PLEKHF2: variants seen among roughly 807,000 people sequenced by gnomAD.
PLEKHF2 encodes the protein pleckstrin homology domain-containing family F member 2.
In PLEKHF2, 4 loss-of-function variants were observed where a neutral mutation model predicts 14.7. That is an observed-to-expected ratio of 0.27 (90% CI 0.13 to 0.62). The LOEUF (loss-of-function observed/expected upper bound fraction) is 0.62, where lower values mean the gene tolerates loss of function less well. Ranked by LOEUF, PLEKHF2 falls within the 20% of genes least tolerant of loss-of-function variation. The pLI is 0.85. For synonymous variants in PLEKHF2, 90 were observed against 103.5 expected (o/e 0.87, Z 0.79); for missense variants, 201 against 307.7 (o/e 0.65, Z 2.60).
intron 1 of PLEKHF2, among the ~76,000 whole-genome samples, chr8:95,136,368 ACACAC>A (rs1205254075): frequency 6.6e-6 from 1 of 150,574 alleles, no homozygotes; most frequent in African/African-American, 2.5e-5. Flanking sequence ...ACACACACAC[ACACAC>A]ATGTTTTGTT....
intron 1 of PLEKHF2, among the ~76,000 whole-genome samples, chr8:95,152,962 G>A (rs1810578285): frequency 6.6e-6 from 1 of 152,106 alleles, no homozygotes; most frequent in South Asian, 2.1e-4. Flanking sequence ...ACAACTCTGG[G>A]ACTTGAGTGA....
chr8:95,135,166 G>A (rs2132102949), intron 1 of PLEKHF2, among the ~76,000 whole-genome samples: 1 of 152,252 alleles, frequency 6.6e-6, no homozygotes, highest in Admixed American at 6.5e-5. Flanking sequence ...AATAAAACTA[G>A]TATAGTGACT....
At position 95,155,594 on chromosome 8, in the gene PLEKHF2, A is replaced by G. The variant is rs936281431; in HGVS notation, c.*800A>G. 1.2e-5 allele frequency: 2 copies of G among 167,086 alleles called. No homozygotes were observed. Among genetic ancestry groups the G allele is most frequent in the African/African-American group, 4.8e-5 (2 of 41,480 alleles). The allele number at this position is 167,086 out of a possible 1,614,324, so 10.4% of individuals were successfully genotyped here. A position where few individuals can be genotyped will look rare whatever the true frequency, so the allele number is the denominator to read the frequency against. ...TTCTTAGGAATTTGGTTTGAAATTT[A>G]TCAGTTATACAGAATTGTCATACTG... is the stretch of plus-strand genomic sequence containing the variant. On this transcript the variant is annotated 3_prime_UTR_variant, in exon 2 of 2. Coordinates refer to ENST00000315367, the MANE Select transcript of PLEKHF2 (RefSeq NM_024613.4).
chr8:95,143,108 T>TC (rs1810455732), intron 1 of PLEKHF2, among the ~76,000 whole-genome samples: 1 of 151,106 alleles, frequency 6.6e-6, no homozygotes, highest in African/African-American at 2.4e-5. Flanking sequence ...TTTTTTTTTT[T>TC]CTTTTTTTTG....
intron 1 of PLEKHF2, among the ~76,000 whole-genome samples, chr8:95,149,246 T>A (rs542593568): frequency 2.0e-5 from 3 of 152,296 alleles, no homozygotes; most frequent in African/African-American, 7.2e-5. Context: ...TCCTCATCCC[T>A]TAAGACTCAG....
intron 1 of PLEKHF2, among the ~76,000 whole-genome samples, chr8:95,144,115 A>T (rs560938912): frequency 6.6e-6 from 1 of 152,096 alleles, no homozygotes; most frequent in Non-Finnish European, 1.5e-5. Context: ...AGTTCTTCCA[A>T]TGTGACCCAG....
intron 1 of PLEKHF2, among the ~76,000 whole-genome samples, chr8:95,135,344 A>G (rs1447565330): frequency 6.6e-6 from 1 of 152,202 alleles, no homozygotes; most frequent in Admixed American, 6.5e-5. Context: ...TAGATCTAAA[A>G]ATACAGCTTC....
At chr8:95,140,039 G>C (rs1018360777) in intron 1 of PLEKHF2, among the ~76,000 whole-genome samples, 1 of 152,092 alleles carries the variant, frequency 6.6e-6, no homozygotes, top group Non-Finnish European at 1.5e-5. Flanking sequence ...GCATCTCTAG[G>C]TGGGTGACTA....
intron 1 of PLEKHF2, among the ~76,000 whole-genome samples, chr8:95,151,538 G>T: frequency 6.7e-6 from 1 of 150,306 alleles, no homozygotes; most frequent in Admixed American, 6.6e-5. Flanking sequence ...ATAGCTCTCA[G>T]TTTCTTTTAA....
intron 1 of PLEKHF2, among the ~76,000 whole-genome samples, chr8:95,151,721 C>A (rs11994118): frequency 0.077 from 11,702 of 151,748 alleles, 594 homozygotes; most frequent in African/African-American, 0.13. Flanking sequence ...CAAGTATGAT[C>A]GCCTGTGGTG....
intron 1 of PLEKHF2, among the ~76,000 whole-genome samples, chr8:95,141,071 A>G (rs1448539891): frequency 6.6e-6 from 1 of 152,162 alleles, no homozygotes; most frequent in Non-Finnish European, 1.5e-5. Context: ...AGTTTTGAGT[A>G]TCTTCTGTCC....
intron 1 of PLEKHF2, among the ~76,000 whole-genome samples, chr8:95,143,093 CT>C (rs35086823): frequency 1.7e-3 from 236 of 141,018 alleles, no homozygotes; most frequent in Admixed American, 3.2e-3. Flanking sequence ...AGGAAATAAT[CT>C]TTTTTTTTTT....
rs1435379250 is a variant in PLEKHF2 at position 95,156,684 on chromosome 8, T to G, written c.*1890T>G. 4.5e-4 allele frequency: 75 copies of G among 166,540 alleles called. No individual in the cohort carries two copies. Among genetic ancestry groups the G allele is most frequent in the Non-Finnish European group, 2.9e-5 (2 of 68,108 alleles). The allele number at this position is 166,540 out of a possible 1,614,324, so 10.3% of individuals were successfully genotyped here. A position where few individuals can be genotyped will look rare whatever the true frequency, so the allele number is the denominator to read the frequency against. On this transcript the variant is annotated 3_prime_UTR_variant, in exon 2 of 2. Transcript: ENST00000315367. ...TTACAATAAAAAATATTTTACAACTTACTTTCTGTTCTCTGTATATTGTGA... is the reference window on the plus strand; with the variant it reads ...TTACAATAAAAAATATTTTACAACTGACTTTCTGTTCTCTGTATATTGTGA...
Position 95,140,568 on chromosome 8 carries a change from C to T in PLEKHF2, c.-15+6538C>T, listed in dbSNP as rs534412141. 2.0e-5 allele frequency among the ~76,000 whole-genome samples: 3 copies of T among 152,312 alleles called. No homozygotes were observed. In the East Asian group the frequency reaches 5.8e-4, roughly 29 times the overall value. Reference sequence around the variant, plus strand: ...ACCAGACTTCTTATCACTATGCCTTCTCCTGACCTTGCCTCCTCTGGCCTA... The same window carrying T: ...ACCAGACTTCTTATCACTATGCCTTTTCCTGACCTTGCCTCCTCTGGCCTA... On this transcript the variant is annotated intron_variant, in intron 1 of 1. Coordinates refer to ENST00000315367, the MANE Select transcript of PLEKHF2 (RefSeq NM_024613.4).
chr8:95,146,626 G>A (rs564801575), intron 1 of PLEKHF2, among the ~76,000 whole-genome samples: 2 of 152,036 alleles, frequency 1.3e-5, no homozygotes, highest in East Asian at 1.9e-4. Context: ...TAAAGACTAG[G>A]ATGGAGCTTA....
intron 1 of PLEKHF2, among the ~76,000 whole-genome samples, chr8:95,141,496 C>T (rs1017757178): frequency 2.6e-5 from 4 of 151,978 alleles, no homozygotes; most frequent in African/African-American, 9.7e-5. Flanking sequence ...AAATAACTCC[C>T]CTACAGCCTC....
Position 95,154,776 on chromosome 8 carries a change from T to C in PLEKHF2, c.732T>C (p.Asp244=). Residue 244 remains aspartate, a synonymous_variant, in exon 2 of 2, where the codon GAT becomes GAC. Transcript: ENST00000315367. The surrounding 1 kb of genome is among the most constrained non-coding windows in gnomAD (Gnocchi z 5.6). Reference sequence around the variant, plus strand: ...ATGATATGTCTGATGATGATGACGATGATGATAGCAGTGACTAAGGACACA... The same window carrying C: ...ATGATATGTCTGATGATGATGACGACGATGATAGCAGTGACTAAGGACACA... ...PLNDMSDDDD[D]DDSSD 3 of 1,614,018 alleles carry C rather than the reference T, an allele frequency of 1.9e-6. No homozygotes were observed. Among genetic ancestry groups the C allele is most frequent in the African/African-American group, 1.3e-5 (1 of 75,044 alleles).
chr8:95,136,718 A>G (rs1810379948), intron 1 of PLEKHF2, among the ~76,000 whole-genome samples: 5 of 152,236 alleles, frequency 3.3e-5, no homozygotes. Context: ...AATAGAAAGT[A>G]TATGAAAAAT....
At chr8:95,153,930 CT>C in intron 1 of PLEKHF2, 100 bp from the exon 2 acceptor site, 1 of 928,898 alleles carries the variant, frequency 1.1e-6, no homozygotes, top group Non-Finnish European at 1.5e-6. Context: ...AACATTTTGC[CT>C]TTGTGTAAAA....
Sources: gnomAD v4.1 joint callset for allele counts (sites outside exome capture counted in the v4.1 genomes callset) on GRCh38, gnomAD v4.1.1 for gene constraint, Gnocchi (gnomAD v3.1) non-coding constraint, MANE v1.5 for transcripts, NCBI Gene and HGNC (gene_info 2026-07-23, HGNC 2026-07-21) for gene names.